The following GRID1 variants were observed in gnomAD, a reference collection of about 807,000 sequenced individuals.
GRID1 encodes glutamate ionotropic receptor delta type subunit 1.
A neutral mutation model predicts 98.0 loss-of-function variants in GRID1; 28 were observed. The observed-to-expected ratio is 0.29, with a 90% CI of 0.21 to 0.39. The LOEUF (loss-of-function observed/expected upper bound fraction) is 0.39, where lower values mean the gene tolerates loss of function less well. Ranked by LOEUF, GRID1 falls within the 10% of genes least tolerant of loss-of-function variation. The pLI is 1.00. For synonymous variants in GRID1, 553 were observed against 538.5 expected (o/e 1.03, Z -0.37); for missense variants, 1,111 against 1,340.5 (o/e 0.83, Z 2.67).
intron 5 of GRID1, among the ~76,000 whole-genome samples, chr10:85,913,657 C>T (rs1342884487): frequency 2.6e-5 from 4 of 151,808 alleles, no homozygotes; most frequent in Non-Finnish European, 4.4e-5. Flanking sequence ...GGTGAGCTGG[C>T]ACACGCCTGT....
At chr10:86,096,592 C>T (rs1267001084) in intron 4 of GRID1, among the ~76,000 whole-genome samples, 1 of 152,206 alleles carries the variant, frequency 6.6e-6, no homozygotes, top group African/African-American at 2.4e-5. Context: ...TATCCTCTGT[C>T]ACAGTATTCC....
intron 12 of GRID1, among the ~76,000 whole-genome samples, chr10:85,655,090 G>T (rs933693984): frequency 6.6e-6 from 1 of 152,152 alleles, no homozygotes; most frequent in African/African-American, 2.4e-5. Context: ...AGAGCCTTCA[G>T]TGCTTCAGTG....
intron 4 of GRID1, among the ~76,000 whole-genome samples, chr10:85,946,282 C>A (rs1291530263): frequency 6.6e-6 from 1 of 152,186 alleles, no homozygotes; most frequent in East Asian, 1.9e-4. Context: ...CTAATGGTAT[C>A]TCATGGCAGA....
At chr10:86,182,314 C>T (rs1022278785) in intron 3 of GRID1, among the ~76,000 whole-genome samples, 13 of 152,216 alleles carry the variant, frequency 8.5e-5, no homozygotes, top group Admixed American at 5.2e-4. Flanking sequence ...ACGGAGACTC[C>T]AGGCATCAGT....
chr10:86,014,627 A>G (rs139646207), intron 4 of GRID1, among the ~76,000 whole-genome samples: 46 of 152,340 alleles, frequency 3.0e-4, no homozygotes, highest in African/African-American at 1.0e-3. Flanking sequence ...TAGGCATACC[A>G]CAAAGATCAC....
chr10:85,813,233 T>A (rs1367707205), intron 8 of GRID1, among the ~76,000 whole-genome samples: 1 of 151,268 alleles, frequency 6.6e-6, no homozygotes, highest in African/African-American at 2.4e-5. Flanking sequence ...AAATTACGGA[T>A]TCAAGACAGT....
At chr10:86,239,230 G>C (rs1386029257) in intron 2 of GRID1, among the ~76,000 whole-genome samples, 1 of 152,228 alleles carries the variant, frequency 6.6e-6, no homozygotes, top group East Asian at 1.9e-4. Flanking sequence ...TGGGTTTTGG[G>C]CTTGCATGGG....
Position 86,237,812 on chromosome 10 carries a change from C to G in GRID1, c.236-31164G>C, listed in dbSNP as rs1016743525. On this transcript the variant is annotated intron_variant, in intron 2 of 15. Coordinates refer to ENST00000327946, the MANE Select transcript of GRID1 (RefSeq NM_017551.3). The stretch of plus-strand genomic sequence containing the variant: ...CTTCCACCATGATCCTGAGGCCTAC[C>G]TTAGTCATGCTTCCTGTACAGCCTG... 1.4e-4 allele frequency among the ~76,000 whole-genome samples: 21 copies of G among 152,258 alleles called. No homozygotes were observed. In the East Asian group the frequency reaches 4.0e-3, roughly 29 times the overall value.
intron 2 of GRID1, among the ~76,000 whole-genome samples, chr10:86,282,351 C>A (rs768352878): frequency 6.6e-6 from 1 of 152,142 alleles, no homozygotes; most frequent in African/African-American, 2.4e-5. Flanking sequence ...ATGCAGAAAA[C>A]CACAGCAGGA....
At chr10:86,140,543 G>A (rs998588613) in intron 3 of GRID1, among the ~76,000 whole-genome samples, 11 of 152,342 alleles carry the variant, frequency 7.2e-5, no homozygotes, top group South Asian at 6.2e-4. Context: ...TGTGTGACAG[G>A]AGCCATCATG....
chr10:86,103,760 G>A (rs1035768312), intron 4 of GRID1, among the ~76,000 whole-genome samples: 3 of 152,210 alleles, frequency 2.0e-5, no homozygotes, highest in Non-Finnish European at 4.4e-5. Flanking sequence ...CAAGGACAGA[G>A]GGTAAGGCCA....
chr10:85,979,425 G>C (rs1013018787), intron 4 of GRID1, among the ~76,000 whole-genome samples: 8 of 152,168 alleles, frequency 5.3e-5, no homozygotes, highest in African/African-American at 1.9e-4. Flanking sequence ...CCCAGTTCTG[G>C]AGGATGGAAA....
intron 2 of GRID1, among the ~76,000 whole-genome samples, chr10:86,295,677 C>G (rs1847578799): frequency 6.6e-6 from 1 of 151,674 alleles, no homozygotes; most frequent in African/African-American, 2.4e-5. Flanking sequence ...CTTTTTTTTT[C>G]CACCCTTAGC....
At chr10:85,753,127 A>C (rs1273045698) in intron 8 of GRID1, among the ~76,000 whole-genome samples, 2 of 152,222 alleles carry the variant, frequency 1.3e-5, no homozygotes, top group African/African-American at 4.8e-5. Flanking sequence ...ATAAACATCT[A>C]GCAATTTCAC....
Position 86,099,598 on chromosome 10 carries a change from T to C in GRID1, c.726+39221A>G, listed in dbSNP as rs562017731. Among the ~76,000 whole-genome samples the C allele has an allele frequency of 2.1e-4, 32 of 152,238 alleles. No individual in the cohort carries two copies. In the South Asian group the frequency reaches 6.6e-3, roughly 32 times the overall value. On this transcript the variant is annotated intron_variant, in intron 4 of 15. Transcript: ENST00000327946. ...GGCTCCTCCAACCCAATGTCATCCA[T>C]AAAGGGTCACAGACCAAATGAAATG...
At chr10:85,681,262 C>T (rs1416279318) in intron 12 of GRID1, among the ~76,000 whole-genome samples, 2 of 152,138 alleles carry the variant, frequency 1.3e-5, no homozygotes, top group Admixed American at 6.5e-5. Context: ...AGGAAAAGAG[C>T]AAAGGAACTC....
At chr10:86,171,151 G>A (rs1394820404) in intron 3 of GRID1, among the ~76,000 whole-genome samples, 1 of 152,178 alleles carries the variant, frequency 6.6e-6, no homozygotes, top group African/African-American at 2.4e-5. Flanking sequence ...CTTCCCAAGG[G>A]ATCCCAAGGT....
At chr10:86,064,231 G>C (rs527779798) in intron 4 of GRID1, among the ~76,000 whole-genome samples, 4 of 152,304 alleles carry the variant, frequency 2.6e-5, no homozygotes, top group South Asian at 2.1e-4. Context: ...TTATAGCTGA[G>C]GAACAGAGTT....
intron 2 of GRID1, among the ~76,000 whole-genome samples, chr10:86,290,512 G>A (rs1847496997): frequency 6.6e-6 from 1 of 152,128 alleles, no homozygotes; most frequent in African/African-American, 2.4e-5. Flanking sequence ...AATTAGCCAA[G>A]TGTGGTTGTG....
Sources: allele counts gnomAD v4.1 joint callset (sites outside exome capture counted in the v4.1 genomes callset), GRCh38; gene constraint gnomAD v4.1.1; transcripts MANE v1.5; gene names NCBI Gene and HGNC (gene_info 2026-07-23, HGNC 2026-07-21).